Variants in ACTN1 observed in about 807,000 individuals in gnomAD.
ACTN1 encodes alpha-actinin-1.
Under a neutral mutation model 119.6 loss-of-function variants are expected in ACTN1, and 30 were observed. That is an observed-to-expected ratio of 0.25 (90% CI 0.19 to 0.34). The LOEUF (loss-of-function observed/expected upper bound fraction) is 0.34. ACTN1 is among the 10% of genes least tolerant of loss of function. ACTN1 has a pLI of 1.00. For synonymous variants in ACTN1, 429 were observed against 472.6 expected, an observed-to-expected ratio of 0.91 and a Z score of 1.20; for missense variants, 764 against 1,223.4, an observed-to-expected ratio of 0.62 and a Z score of 5.60.
chr14:68,913,377 G>A (rs1331828074), intron 3 of ACTN1, among the ~76,000 whole-genome samples: 1 of 152,158 alleles, frequency 6.6e-6, no homozygotes, highest in Non-Finnish European at 1.5e-5. Context: ...TCAGTTAAGA[G>A]TAAGGTACCC....
intron 8 of ACTN1, among the ~76,000 whole-genome samples, chr14:68,899,642 C>T (rs911993924): frequency 1.3e-5 from 2 of 152,152 alleles, no homozygotes; most frequent in African/African-American, 2.4e-5. Context: ...CCACTTCATA[C>T]CCACTACACC....
At chr14:68,922,012 C>T (rs2034676628) in intron 2 of ACTN1, among the ~76,000 whole-genome samples, 2 of 152,196 alleles carry the variant, frequency 1.3e-5, no homozygotes, top group Admixed American at 1.3e-4. Flanking sequence ...CCAGGGGCCT[C>T]CTGAAATGAT....
At chr14:68,884,974 T>C in intron 12 of ACTN1, 91 bp from the exon 13 acceptor site, 1 of 1,132,638 alleles carries the variant, frequency 8.8e-7, no homozygotes, top group Non-Finnish European at 1.3e-6. Context: ...GGGTGGCTGG[T>C]GGTGCTGGGA....
At chr14:68,887,982 T>C in intron 11 of ACTN1, 1 of 770,764 alleles carries the variant, frequency 1.3e-6, no homozygotes, top group Non-Finnish European at 2.4e-6. Flanking sequence ...TTTTTCGGCT[T>C]CGCTTCCACT....
intron 1 of ACTN1, among the ~76,000 whole-genome samples, chr14:68,935,115 C>T (rs1479285959): frequency 6.6e-6 from 1 of 152,138 alleles, no homozygotes; most frequent in East Asian, 1.9e-4. Context: ...CTCCATCTCT[C>T]AGGTTCAAGC....
At chr14:68,948,164 C>G (rs2036001832) in intron 1 of ACTN1, among the ~76,000 whole-genome samples, 1 of 152,238 alleles carries the variant, frequency 6.6e-6, no homozygotes, top group Non-Finnish European at 1.5e-5. Flanking sequence ...GGGAGTCCCC[C>G]CCAGGCCCTT....
chr14:68,958,395 T>C (rs1444270430), intron 1 of ACTN1, among the ~76,000 whole-genome samples: 1 of 152,132 alleles, frequency 6.6e-6, no homozygotes, highest in Non-Finnish European at 1.5e-5. Flanking sequence ...GAACCAGGTG[T>C]GTGCACCAGG....
chr14:68,943,654 C>T (rs923446287), intron 1 of ACTN1, among the ~76,000 whole-genome samples: 4 of 152,144 alleles, frequency 2.6e-5, no homozygotes, highest in Admixed American at 1.3e-4. Flanking sequence ...GGAATCATAT[C>T]CTAGGGTTGC....
chr14:68,969,028 GCTA>G (rs1387463794), intron 1 of ACTN1, among the ~76,000 whole-genome samples: 5 of 152,230 alleles, frequency 3.3e-5, no homozygotes, highest in Non-Finnish European at 7.3e-5. Flanking sequence ...ACCTTTGGGT[GCTA>G]CTGTGGCCTC....
At chr14:68,904,549 C>CA in intron 7 of ACTN1, 106 bp downstream of exon 7, 1 of 949,254 alleles carries the variant, frequency 1.1e-6, no homozygotes, top group South Asian at 1.5e-5. Flanking sequence ...CCCAGAAGAC[C>CA]AGGCCTCCTC....
chr14:68,900,294 T>C (rs1042692750), intron 8 of ACTN1, among the ~76,000 whole-genome samples: 4 of 152,026 alleles, frequency 2.6e-5, no homozygotes, highest in Non-Finnish European at 4.4e-5. Flanking sequence ...TAGTAATCAA[T>C]ATTCAAATCT....
intron 1 of ACTN1, among the ~76,000 whole-genome samples, chr14:68,976,799 G>T (rs939303285): frequency 1.2e-4 from 18 of 152,162 alleles, no homozygotes; most frequent in African/African-American, 4.3e-4. Context: ...GTCCTTGTTC[G>T]TGCCTGGCAC....
chr14:68,954,555 TG>T (rs1247041232), intron 1 of ACTN1, among the ~76,000 whole-genome samples: 1 of 152,080 alleles, frequency 6.6e-6, no homozygotes, highest in Admixed American at 6.5e-5. Context: ...CTCGAACTCC[TG>T]ACCTCATGAT....
chr14:68,890,221 A>G lies in ACTN1; in HGVS notation c.1152T>C (p.Asn384=). 1 of 1,614,124 alleles carries G rather than the reference A, an allele frequency of 6.2e-7. No individual in the cohort carries two copies. Among genetic ancestry groups the G allele is most frequent in the South Asian group, 1.1e-5 (1 of 91,082 alleles). Residue 384 remains asparagine (N), a synonymous_variant, in exon 11 of 22, where the codon AAT becomes AAC. Coordinates refer to ENST00000394419, the MANE Select transcript of ACTN1 (RefSeq NM_001130004.2). ...CCAGTCGCTCCAGCCTCCGGATCTCATTCAGCAACCACTCCTCATAGCCCT... is the reference window on the plus strand; with the variant it reads ...CCAGTCGCTCCAGCCTCCGGATCTCGTTCAGCAACCACTCCTCATAGCCCT... ...VEKGYEEWLL[N]EIRRLERLDH...
In ACTN1 at chr14:68,880,761, C is replaced by T. The variant is rs950850787; in HGVS notation, c.2133+49G>A. ...AGACTTCCCCACCCAGGAGAAAGAG[C>T]AGAAGGGGCCACGGGCTCCCGAAGA... On this transcript the variant is annotated intron_variant, in intron 17 of 21. Transcript: ENST00000394419. This position sits in a 1 kb window ranked among gnomAD's most constrained non-coding sequence, Gnocchi z 4.6. 2 of 1,590,532 alleles carry T rather than the reference C, an allele frequency of 1.3e-6. No homozygotes were observed. The highest frequency in any genetic ancestry group is 1.7e-6 in the Non-Finnish European group (2 of 1,163,168).
At position 68,888,314 on chromosome 14, in the gene ACTN1, T is replaced by C. The variant is rs1459510113; in HGVS notation, c.1234+1825A>G. The C allele has an allele frequency of 2.4e-5, 7 of 288,474 alleles. No individual in the cohort carries two copies. The East Asian group carries it at 6.5e-4, about 27-fold the overall frequency. The allele number at this position is 288,474 out of a possible 1,614,324, so 17.9% of individuals were successfully genotyped here. A position where few individuals can be genotyped will look rare whatever the true frequency, so the allele number is the denominator to read the frequency against. On this transcript the variant is annotated intron_variant, in intron 11 of 21. Coordinates refer to ENST00000394419, the MANE Select transcript of ACTN1 (RefSeq NM_001130004.2). ...TGTGCCAGCATGCCAGCACTTCTCA[T>C]GCCCCTGCTGGTGGCTGGCAAGGCA...
chr14:68,939,883 T>C (rs1341455930), intron 1 of ACTN1, among the ~76,000 whole-genome samples: 1 of 152,140 alleles, frequency 6.6e-6, no homozygotes, highest in African/African-American at 2.4e-5. Flanking sequence ...TTTTAACCCA[T>C]TTGGCCCATT....
At chr14:68,978,162 T>G (rs577523093) in intron 1 of ACTN1, 4 of 455,740 alleles carry the variant, frequency 8.8e-6, no homozygotes, top group African/African-American at 8.0e-5. Flanking sequence ...GCCCCAAATA[T>G]CCCCTAAGAC....
In ACTN1 at chr14:68,878,900, T is replaced by G. The variant is rs779363673; in HGVS notation, c.2361+89A>C. ...TGGCCCACAGGAGGGGGACAGGAGA[T>G]CCAGACAGAGAGAAGAGAAAAAGGA... is the stretch of plus-strand genomic sequence containing the variant. On this transcript the variant is annotated intron_variant, in intron 19 of 21. Transcript: ENST00000394419. The surrounding 1 kb of genome is among the most constrained non-coding windows in gnomAD (Gnocchi z 4.4). 7 of 1,602,152 alleles carry G rather than the reference T, an allele frequency of 4.4e-6. No individual in the cohort carries two copies. In the East Asian group the frequency reaches 1.3e-4, roughly 31 times the overall value.
Sources: allele counts gnomAD v4.1 joint callset (sites outside exome capture counted in the v4.1 genomes callset), GRCh38; gene constraint gnomAD v4.1.1; non-coding constraint Gnocchi (gnomAD v3.1); transcripts MANE v1.5; gene names NCBI Gene and HGNC (gene_info 2026-07-23, HGNC 2026-07-21).